The following C3orf49 variants were observed in gnomAD, a reference collection of about 807,000 sequenced individuals.
C3orf49 encodes chromosome 3 open reading frame 49.
In C3orf49, 27 loss-of-function variants were observed where a neutral mutation model predicts 13.3. The ratio of observed to expected loss-of-function variants is 2.02; its 90% CI spans 1.49 to 2.79. C3orf49 has a LOEUF of 2.79. Among genes scored for constraint, C3orf49 ranks in the 30% most tolerant of loss-of-function variants. The pLI is 0.00. For missense variants in C3orf49, 242 were observed against 134.2 expected (o/e 1.80, Z -3.97); for synonymous variants, 87 against 47.6 (o/e 1.83, Z -3.40).
the C3orf49 span, among the ~76,000 whole-genome samples, chr3:63,808,656 C>T: frequency 3.3e-5 from 5 of 152,160 alleles, no homozygotes; most frequent in Admixed American, 3.3e-4. Context: ...TCTTCATTCC[C>T]GAATTAAAAC....
At position 63,831,702 on chromosome 3, in the gene C3orf49, T is replaced by G. The variant is rs1559600361; in HGVS notation, c.707T>G (p.Val236Gly). 2.8e-6 allele frequency: 2 copies of G among 703,034 alleles called. No individual in the cohort carries two copies. The allele number at this position is 703,034 out of a possible 1,614,324, so 43.5% of individuals were successfully genotyped here. A position where few individuals can be genotyped will look rare whatever the true frequency, so the allele number is the denominator to read the frequency against. Reference sequence around the variant, plus strand: ...TAGGTGGATGACCTCATAGAAACAGTGACTGATAAATCCATGAAGCTACTG... The same window carrying G: ...TAGGTGGATGACCTCATAGAAACAGGGACTGATAAATCCATGAAGCTACTG... ...QMQVDDLIET[V>G]TDKSMKLLAQ... The change falls in exon 5 of 7, where the codon GTG (valine) becomes GGG (glycine). Residue 236 changes from valine to glycine, a missense_variant. Transcript: ENST00000295896.
At chr3:63,826,759 C>T (rs980056087) in intron 2 of C3orf49, 4 of 152,266 alleles carry the variant, frequency 2.6e-5, no homozygotes, top group Admixed American at 2.6e-4. Flanking sequence ...ATGCTGTCAT[C>T]CTTTTGAATA....
intron 6 of C3orf49, among the ~76,000 whole-genome samples, chr3:63,847,918 T>C (rs976348281): frequency 6.6e-6 from 1 of 152,050 alleles, no homozygotes; most frequent in Non-Finnish European, 1.5e-5. Context: ...AAAACTAGTT[T>C]AGGCCATGAT....
the C3orf49 span, among the ~76,000 whole-genome samples, chr3:63,788,920 C>T: frequency 2.0e-5 from 3 of 152,036 alleles, no homozygotes; most frequent in African/African-American, 7.2e-5. Context: ...GGTATTAGTA[C>T]TGAAGTATGA....
intron 5 of C3orf49, chr3:63,837,863 T>C: frequency 1.2e-6 from 1 of 866,590 alleles, no homozygotes; most frequent in Non-Finnish European, 1.7e-6. Context: ...ATTTGGATTT[T>C]TTTTAATCCA....
chr3:63,780,558 G>T, the C3orf49 span, among the ~76,000 whole-genome samples: 1 of 152,168 alleles, frequency 6.6e-6, no homozygotes. Flanking sequence ...CTGAGGAATC[G>T]CCACACTGAC....
At chr3:63,810,790 C>G in the C3orf49 span, among the ~76,000 whole-genome samples, 1 of 152,190 alleles carries the variant, frequency 6.6e-6, no homozygotes, top group African/African-American at 2.4e-5. Context: ...CCTTAACATA[C>G]GATAATCTCT....
chr3:63,837,991 G>A (rs759783125), intron 5 of C3orf49: 113 of 1,606,528 alleles, frequency 7.0e-5, no homozygotes, highest in Non-Finnish European at 9.1e-5. Flanking sequence ...CGATTTTTTC[G>A]TATTCGTTTT....
At chr3:63,836,216 T>G in intron 5 of C3orf49, 1 of 1,288,726 alleles carries the variant, frequency 7.8e-7, no homozygotes, top group Non-Finnish European at 1.1e-6. Context: ...ACATATTTAT[T>G]TCTGCAAAAA....
At chr3:63,844,854 G>A (rs1346663864) in intron 5 of C3orf49, among the ~76,000 whole-genome samples, 169 bp from the exon 6 acceptor site, 1 of 152,116 alleles carries the variant, frequency 6.6e-6, no homozygotes, top group Non-Finnish European at 1.5e-5. Context: ...CCATTCTCTG[G>A]TATTCTATTA....
chr3:63,838,067 A>G, intron 5 of C3orf49: 1 of 1,586,400 alleles, frequency 6.3e-7, no homozygotes, highest in South Asian at 1.2e-5. Flanking sequence ...TACATTCTAT[A>G]TGAGAAGGTT....
the C3orf49 span, among the ~76,000 whole-genome samples, chr3:63,792,016 A>T: frequency 1.3e-5 from 2 of 152,218 alleles, no homozygotes; most frequent in Non-Finnish European, 2.9e-5. Flanking sequence ...TCTGTAAAAC[A>T]ATCATCTTTA....
rs536566190 is a variant in C3orf49 at position 63,835,043 on chromosome 3, T to C, written c.849+3199T>C. ...CTTCTAACGTCATCCAGCTACACTG[T>C]TCAGAAATTGAAGGTATACTGTCTC... On this transcript the variant is annotated intron_variant, in intron 5 of 6. Coordinates refer to ENST00000295896, the MANE Select transcript of C3orf49 (RefSeq NM_001355236.2). 7.4e-5 allele frequency: 78 copies of C among 1,050,970 alleles called. No homozygotes were observed. The African/African-American group carries it at 1.2e-3, about 16-fold the overall frequency. 65.1% of individuals were successfully genotyped at this position (1,050,970 alleles called of 1,614,324 possible). A position where few individuals can be genotyped will look rare whatever the true frequency, so the allele number is the denominator to read the frequency against.
the C3orf49 span, among the ~76,000 whole-genome samples, chr3:63,800,540 T>C: frequency 4.6e-5 from 7 of 152,094 alleles, no homozygotes; most frequent in African/African-American, 1.4e-4. Flanking sequence ...CCAATGAGAT[T>C]TATACATTTA....
In C3orf49 at chr3:63,831,169, C is replaced by A. The variant is rs917498331; in HGVS notation, c.630C>A (p.Gly210=). The A allele has an allele frequency of 7.1e-6, 5 of 702,772 alleles. No individual in the cohort carries two copies. The African/African-American group carries it at 8.7e-5, about 12-fold the overall frequency. The allele number at this position is 702,772 out of a possible 1,614,324, so 43.5% of individuals were successfully genotyped here. Reference sequence around the variant, plus strand: ...CAGCACTTAAAAAAAAGAAGCGTGGCATGGAAAACATCCTTCGAAAATCAG... The same window carrying A: ...CAGCACTTAAAAAAAAGAAGCGTGGAATGGAAAACATCCTTCGAAAATCAG... ...HFPALKKKKR[G]MENILRKSDL... The change falls in exon 4 of 7, where the codon GGC becomes GGA. Residue 210 remains glycine, a synonymous_variant. Transcript: ENST00000295896.
At chr3:63,838,075 G>T (rs1701671607) in intron 5 of C3orf49, 15 of 1,577,376 alleles carry the variant, frequency 9.5e-6, no homozygotes, top group Non-Finnish European at 1.3e-5. Context: ...ATATGAGAAG[G>T]TTTTTTAAAA....
the C3orf49 span, among the ~76,000 whole-genome samples, chr3:63,787,990 G>A: frequency 3.3e-5 from 5 of 152,218 alleles, no homozygotes; most frequent in Non-Finnish European, 5.9e-5. Flanking sequence ...AATTGGAAAT[G>A]TCAGTGCCCA....
chr3:63,790,742 T>C, the C3orf49 span, among the ~76,000 whole-genome samples: 3 of 152,180 alleles, frequency 2.0e-5, no homozygotes, highest in Admixed American at 6.5e-5. Context: ...TTGGTTTGTA[T>C]AGGTTCTCTT....
the C3orf49 span, among the ~76,000 whole-genome samples, chr3:63,803,328 C>T: frequency 6.6e-6 from 1 of 152,292 alleles, no homozygotes; most frequent in African/African-American, 2.4e-5. Context: ...ATATGTGACA[C>T]TTGTTTTAGC....
Sources: gnomAD v4.1 joint callset for allele counts (sites outside exome capture counted in the v4.1 genomes callset) on GRCh38, gnomAD v4.1.1 for gene constraint, MANE v1.5 for transcripts, NCBI Gene and HGNC (gene_info 2026-07-23, HGNC 2026-07-21) for gene names.